HAP1: variants seen among roughly 807,000 people sequenced by gnomAD.
HAP1 encodes huntingtin-associated protein 1.
HAP1 carries 59 observed loss-of-function variants against 60.3 expected under a neutral mutation model. The ratio of observed to expected loss-of-function variants is 0.98; its 90% CI spans 0.79 to 1.22. HAP1 has a LOEUF of 1.22. Among genes scored for constraint, HAP1 ranks in the 50% most tolerant of loss-of-function variants. HAP1 has a pLI of 0.00. For missense variants in HAP1, 825 were observed against 785.3 expected (o/e 1.05, Z -0.60); for synonymous variants, 346 against 330.6 (o/e 1.05, Z -0.50).
intron 1 of HAP1, among the ~76,000 whole-genome samples, chr17:41,733,298 C>T (rs1555591667): frequency 2.0e-5 from 3 of 150,366 alleles, no homozygotes; most frequent in Non-Finnish European, 4.4e-5. Flanking sequence ...GATCCGCCCG[C>T]CTCGGCCTGC....
chr17:41,728,882 G>A (rs926411701), intron 6 of HAP1, among the ~76,000 whole-genome samples: 1 of 152,166 alleles, frequency 6.6e-6, no homozygotes, highest in Non-Finnish European at 1.5e-5. Context: ...TTATCCTTTG[G>A]CCAATGGAAA....
chr17:41,728,090 C>G, intron 7 of HAP1, 111 bp downstream of exon 7: 3 of 1,314,102 alleles, frequency 2.3e-6, no homozygotes, highest in Non-Finnish European at 3.2e-6. Context: ...AGGTCTCTGA[C>G]TCTGACACAG....
chr17:41,726,903 T>C (rs1157396073), intron 9 of HAP1, 150 bp downstream of exon 9: 2 of 594,252 alleles, frequency 3.4e-6, no homozygotes, highest in Non-Finnish European at 6.0e-6. Context: ...GATGGGTCCA[T>C]ATTCATAGAG....
Position 41,728,138 on chromosome 17 carries a change from GGAA to G in HAP1, c.1200+60_1200+62del, listed in dbSNP as rs1911831455. ...GGCCTGGTGGAGCCGAGTGGAGGCA[GGAA>G]GAAGGAAGCTAGGGTCCCATGGGGC... On this transcript the variant is annotated intron_variant, in intron 7 of 10. Transcript: ENST00000347901. 4 of 1,583,468 alleles carry G rather than the reference GGAA, an allele frequency of 2.5e-6. No individual in the cohort carries two copies. The African/African-American group carries it at 5.4e-5, about 21-fold the overall frequency.
In HAP1 at chr17:41,728,169, C is replaced by T. The variant is rs78126337; in HGVS notation, c.1200+32G>A. The T allele has an allele frequency of 4.2e-3, 6,725 of 1,604,262 alleles. 230 individuals carry two copies. In the African/African-American group the frequency reaches 0.076, roughly 18 times the overall value. ...AGGAAGCTAGGGTCCCATGGGGCCA[C>T]GACAAGAGGGTTCCACACACACCCG... On this transcript the variant is annotated intron_variant, in intron 7 of 10. Coordinates refer to ENST00000347901, the MANE Select transcript of HAP1 (RefSeq NM_177977.3).
At position 41,724,531 on chromosome 17, in the gene HAP1, T is replaced by G. The variant is rs1034550602; in HGVS notation, c.*170A>C. 1 of 607,126 alleles carries G rather than the reference T, an allele frequency of 1.6e-6. No individual in the cohort carries two copies. Among genetic ancestry groups the G allele is most frequent in the Non-Finnish European group, 2.9e-6 (1 of 343,592 alleles). 37.6% of individuals were successfully genotyped at this position (607,126 alleles called of 1,614,324 possible). A position where few individuals can be genotyped will look rare whatever the true frequency, so the allele number is the denominator to read the frequency against. ...CCCCCAGGAGAAAAGTGGATGGAGATCTGGAATCCTAAGCAAATGCCACAT... is the reference window on the plus strand; with the variant it reads ...CCCCCAGGAGAAAAGTGGATGGAGAGCTGGAATCCTAAGCAAATGCCACAT... On this transcript the variant is annotated 3_prime_UTR_variant, in exon 11 of 11. Transcript: ENST00000347901.
chr17:41,727,324 T>C (rs1196315899), intron 8 of HAP1, 180 bp from the exon 9 acceptor site: 2 of 780,756 alleles, frequency 2.6e-6, no homozygotes, highest in Non-Finnish European at 4.8e-6. Context: ...GGGTAATGGG[T>C]GGCAGACCCA....
intron 9 of HAP1, among the ~76,000 whole-genome samples, chr17:41,726,115 C>A (rs1911606660): frequency 6.6e-6 from 1 of 151,842 alleles, no homozygotes; most frequent in South Asian, 2.1e-4. Context: ...ACTAAAACTA[C>A]AAAAATTAGC....
intron 7 of HAP1, 143 bp from the exon 8 acceptor site, chr17:41,727,979 A>G: frequency 1.4e-6 from 1 of 698,010 alleles, no homozygotes; most frequent in South Asian, 1.7e-5. Context: ...AGGGCAAAGA[A>G]GGCAGGGGAG....
intron 1 of HAP1, 148 bp from the exon 2 acceptor site, chr17:41,732,946 C>G (rs1374597912): frequency 4.7e-6 from 3 of 640,688 alleles, no homozygotes; most frequent in East Asian, 2.8e-5. Flanking sequence ...TCCTGCCCCC[C>G]ACATCCTCCC....
rs898297804 is a variant in HAP1 at position 41,727,798 on chromosome 17, A to C, written c.1239T>G (p.Ala413=). 1.2e-6 allele frequency: 2 copies of C among 1,612,152 alleles called. No homozygotes were observed. The highest frequency in any genetic ancestry group is 1.3e-5 in the African/African-American group (1 of 74,892). The change falls in exon 8 of 11, where the codon GCT becomes GCG. Residue 413 remains alanine (A), a synonymous_variant. Transcript: ENST00000347901. ...AETEKLQKQL[A]SEKEIQMQLQ... ...GCTGCATCTGGATTTCCTTCTCCGAAGCCAGCTGCTTCTGCAACTTTTCAG... is the reference window on the plus strand; with the variant it reads ...GCTGCATCTGGATTTCCTTCTCCGACGCCAGCTGCTTCTGCAACTTTTCAG...
At chr17:41,718,989 AT>A (rs372565287), downstream of HAP1, among the ~76,000 whole-genome samples, 760 of 152,104 alleles carry the variant, frequency 5.0e-3, 7 homozygotes, top group African/African-American at 0.017. Flanking sequence ...AATGTATTTT[AT>A]TTTTTTGAGA....
intron 8 of HAP1, 152 bp from the exon 9 acceptor site, chr17:41,727,296 A>G (rs574666838): frequency 2.6e-6 from 2 of 780,746 alleles, no homozygotes; most frequent in Admixed American, 3.4e-5. Flanking sequence ...GAGGGTCCTC[A>G]CCAGAGGCAC....
At chr17:41,718,939 A>C (rs2143154340), downstream of HAP1, among the ~76,000 whole-genome samples, 1 of 152,266 alleles carries the variant, frequency 6.6e-6, no homozygotes, top group Admixed American at 6.5e-5. Flanking sequence ...CGCTGTTCTA[A>C]GTGTGCACTT....
chr17:41,721,545 C>T, downstream of HAP1: 1 of 198,726 alleles, frequency 5.0e-6, no homozygotes, highest in Admixed American at 5.0e-5. Context: ...GGCAATTTCC[C>T]CCATGTCTGG....
Position 41,724,818 on chromosome 17 carries a change from GT to G in HAP1, c.1742del (p.Asn581ThrfsTer11). On this transcript the variant is annotated frameshift_variant, in exon 11 of 11. Transcript: ENST00000347901. LOFTEE classifies it low-confidence loss of function (END_TRUNC). ...DMNYVLQQLA[N>X]WQDAHYRRQL... Reference sequence around the variant, plus strand: ...GCCGCCTGTAATGGGCATCTTGCCAGTTGGCCAGCTGCTGGAGGACATAATT... The same window carrying G: ...GCCGCCTGTAATGGGCATCTTGCCAGTGGCCAGCTGCTGGAGGACATAATT... The G allele has an allele frequency of 6.2e-7, 1 of 1,613,142 alleles. No individual in the cohort carries two copies. The highest frequency in any genetic ancestry group is 8.5e-7 in the Non-Finnish European group (1 of 1,179,828).
intron 6 of HAP1, among the ~76,000 whole-genome samples, chr17:41,731,039 G>A (rs1555590701): frequency 6.6e-6 from 1 of 151,886 alleles, no homozygotes; most frequent in Non-Finnish European, 1.5e-5. Flanking sequence ...GCCTCCCAAG[G>A]AGCTGGGACT....
chr17:41,727,860 AC>A, intron 7 of HAP1, 24 bp from the exon 8 acceptor site: 2 of 1,471,772 alleles, frequency 1.4e-6, no homozygotes, highest in Non-Finnish European at 1.9e-6. Flanking sequence ...AAACCAGTGA[AC>A]CCCCATCTGA....
intron 9 of HAP1, among the ~76,000 whole-genome samples, chr17:41,726,381 A>G: frequency 7.0e-6 from 1 of 143,504 alleles, no homozygotes; most frequent in Non-Finnish European, 1.5e-5. Flanking sequence ...GCCAACCTGG[A>G]CAACAAAACA....
Sources: gnomAD v4.1 joint callset for allele counts (sites outside exome capture counted in the v4.1 genomes callset) on GRCh38, gnomAD v4.1.1 for gene constraint, MANE v1.5 for transcripts, NCBI Gene and HGNC (gene_info 2026-07-23, HGNC 2026-07-21) for gene names.